BPTF: variants seen among roughly 807,000 people sequenced by gnomAD.
BPTF encodes the protein nucleosome-remodeling factor subunit BPTF.
A neutral mutation model predicts 292.5 loss-of-function variants in BPTF; 18 were observed. That is an observed-to-expected ratio of 0.06 (90% CI 0.04 to 0.09). The LOEUF is 0.09. Among genes scored for constraint, BPTF ranks in the 10% least tolerant of loss-of-function variants. The pLI, the probability that BPTF is intolerant of heterozygous loss-of-function variation, is 1.00. For synonymous variants in BPTF, 1,225 were observed against 1,251.9 expected (o/e 0.98, Z 0.45); for missense variants, 2,726 against 3,498.7 (o/e 0.78, Z 5.57).
chr17:67,952,833 C>T (rs782509215), intron 23 of BPTF, among the ~76,000 whole-genome samples: 2 of 152,174 alleles, frequency 1.3e-5, no homozygotes, highest in Non-Finnish European at 2.9e-5. Context: ...CTAACAATCC[C>T]GTGTGCCACC....
intron 23 of BPTF, among the ~76,000 whole-genome samples, chr17:67,959,142 C>T (rs1054552159): frequency 2.6e-5 from 4 of 152,176 alleles, no homozygotes; most frequent in Non-Finnish European, 5.9e-5. Flanking sequence ...TGTCCAGTCT[C>T]ACTGTAAGGA....
chr17:67,852,075 T>G (rs2058441562), intron 1 of BPTF, among the ~76,000 whole-genome samples: 1 of 152,186 alleles, frequency 6.6e-6, no homozygotes, highest in Admixed American at 6.5e-5. Flanking sequence ...TACTAATGAT[T>G]GACAGTTGAG....
At position 67,949,688 on chromosome 17, in the gene BPTF, CAT is replaced by C. The variant is rs1568155210; in HGVS notation, c.7926+1392_7926+1393del. ...ATATATATATATACACACAGACATACATATATATATACACACATGTATATATA... is the reference window on the plus strand; with the variant it reads ...ATATATATATATACACACAGACATACATATATATACACACATGTATATATA... On this transcript the variant is annotated intron_variant, in intron 23 of 27. Transcript: ENST00000306378. 5.0e-4 allele frequency among the ~76,000 whole-genome samples: 75 copies of C among 150,170 alleles called. 1 individual carries two copies. The highest frequency in any genetic ancestry group is 3.5e-3 in the Middle Eastern group (1 of 288).
Position 67,945,739 on chromosome 17 carries a change from A to G in BPTF, c.7031A>G (p.Gln2344Arg). Reference sequence around the variant, plus strand: ...CAAGGACAGTCTCCTGTTCGTGTCCAAAGTCCATCACAGACTCGAATACGT... The same window carrying G: ...CAAGGACAGTCTCCTGTTCGTGTCCGAAGTCCATCACAGACTCGAATACGT... The part of the protein sequence containing the change: ...NVQGQSPVRV[Q>R]SPSQTRIRPS... The change falls in exon 21 of 28, where the codon CAA becomes CGA. Residue 2344 changes from glutamine (Q) to arginine (R), a missense_variant. Physicochemically the swap from Gln to Arg is conservative, Grantham distance 43 (BLOSUM62 1). Coordinates refer to ENST00000306378, the MANE Select transcript of BPTF (RefSeq NM_182641.4). The G allele has an allele frequency of 1.9e-6, 3 of 1,614,200 alleles. No individual in the cohort carries two copies. Among genetic ancestry groups the G allele is most frequent in the African/African-American group, 1.3e-5 (1 of 75,048 alleles).
At chr17:67,955,798 G>A (rs2066874416) in intron 23 of BPTF, 1 of 152,040 alleles carries the variant, frequency 6.6e-6, no homozygotes, top group Non-Finnish European at 1.5e-5. Context: ...CTGCATGACG[G>A]AATGAGACTC....
chr17:67,851,040 A>C (rs1336860594), intron 1 of BPTF, among the ~76,000 whole-genome samples: 1 of 152,162 alleles, frequency 6.6e-6, no homozygotes, highest in Middle Eastern at 3.2e-3. Context: ...ATATATATTT[A>C]CACTCACCAG....
At chr17:67,869,652 T>C (rs191712001) in intron 3 of BPTF, among the ~76,000 whole-genome samples, 4 of 152,108 alleles carry the variant, frequency 2.6e-5, no homozygotes, top group Admixed American at 6.5e-5. Context: ...GCATGTTATA[T>C]AGTTCAGTAT....
At chr17:67,918,155 C>T (rs946985339) in intron 11 of BPTF, among the ~76,000 whole-genome samples, 15 of 152,006 alleles carry the variant, frequency 9.9e-5, no homozygotes, top group Non-Finnish European at 1.8e-4. Flanking sequence ...AGGCTGGTGT[C>T]GAACTCCTGA....
At chr17:67,919,672 GA>G (rs2063306782) in intron 12 of BPTF, among the ~76,000 whole-genome samples, 1 of 152,204 alleles carries the variant, frequency 6.6e-6, no homozygotes, top group African/African-American at 2.4e-5. Flanking sequence ...TTTTTTAAAA[GA>G]TATTTATGAT....
chr17:67,928,148 T>C (rs1329229031), intron 15 of BPTF, among the ~76,000 whole-genome samples: 2 of 152,076 alleles, frequency 1.3e-5, no homozygotes, highest in African/African-American at 4.8e-5. Context: ...CCTCCCAGAG[T>C]GCTAGGATTA....
chr17:67,926,189 G>C (rs1002038335), intron 15 of BPTF, among the ~76,000 whole-genome samples: 1 of 150,264 alleles, frequency 6.7e-6, no homozygotes, highest in Non-Finnish European at 1.5e-5. Flanking sequence ...TGTGTTTTTT[G>C]TAGAGATAGG....
At chr17:67,931,670 G>A (rs1158046496) in intron 17 of BPTF, among the ~76,000 whole-genome samples, 1 of 152,034 alleles carries the variant, frequency 6.6e-6, no homozygotes, top group Non-Finnish European at 1.5e-5. Flanking sequence ...TATTCCATAG[G>A]CTATTTTGGT....
chr17:67,896,197 T>C (rs147740443), intron 7 of BPTF, among the ~76,000 whole-genome samples: 2,790 of 152,136 alleles, frequency 0.018, 80 homozygotes, highest in African/African-American at 0.063. Context: ...CTCCTGACCT[T>C]GTGATCCGCC....
At chr17:67,879,960 G>A (rs1339841614) in intron 4 of BPTF, among the ~76,000 whole-genome samples, 1 of 152,062 alleles carries the variant, frequency 6.6e-6, no homozygotes, top group Non-Finnish European at 1.5e-5. Context: ...GAGATTTTTG[G>A]CAGGACAAAC....
intron 6 of BPTF, 58 bp from the exon 7 acceptor site, chr17:67,893,976 G>C: frequency 1.9e-6 from 3 of 1,588,418 alleles, no homozygotes; most frequent in Non-Finnish European, 2.6e-6. Flanking sequence ...CAACTATTGT[G>C]CTTTTAATTT....
At position 67,842,490 on chromosome 17, in the gene BPTF, C is replaced by T. The variant is rs553929895; in HGVS notation, c.614-11450C>T. ...CCACTTTTCTTCTTAGACCTCTCCT[C>T]TAAACTCCAGTTATGTATTTCCAAC... On this transcript the variant is annotated intron_variant, in intron 1 of 27. Coordinates refer to ENST00000306378, the MANE Select transcript of BPTF (RefSeq NM_182641.4). 2.6e-5 allele frequency among the ~76,000 whole-genome samples: 4 copies of T among 152,256 alleles called. No individual in the cohort carries two copies. The South Asian group carries it at 6.2e-4, about 24-fold the overall frequency.
At chr17:67,864,929 C>T (rs889010090) in intron 2 of BPTF, among the ~76,000 whole-genome samples, 8 of 152,196 alleles carry the variant, frequency 5.3e-5, no homozygotes, top group African/African-American at 1.2e-4. Flanking sequence ...CTCAGGCTCC[C>T]GGGTAGCTGA....
At chr17:67,831,541 T>C (rs2056681537) in intron 1 of BPTF, among the ~76,000 whole-genome samples, 1 of 152,172 alleles carries the variant, frequency 6.6e-6, no homozygotes, top group Non-Finnish European at 1.5e-5. Context: ...GAAACATGCG[T>C]ATCACAGGAC....
chr17:67,855,706 T>C (rs755926801), intron 2 of BPTF, among the ~76,000 whole-genome samples: 1 of 152,178 alleles, frequency 6.6e-6, no homozygotes, highest in African/African-American at 2.4e-5. Context: ...CCTGTAGATA[T>C]ATGGTCAGAG....
Sources: gnomAD v4.1 joint callset for allele counts (sites outside exome capture counted in the v4.1 genomes callset) on GRCh38, gnomAD v4.1.1 for gene constraint, MANE v1.5 for transcripts, NCBI Gene and HGNC (gene_info 2026-07-23, HGNC 2026-07-21) for gene names.